ANO3: variants seen among roughly 807,000 people sequenced by gnomAD.
ANO3 encodes the protein anoctamin 3, also known as anoctamin-3.
Under a neutral mutation model 144.8 loss-of-function variants are expected in ANO3, and 99 were observed. That is an observed-to-expected ratio of 0.68 (90% CI 0.58 to 0.81). ANO3 has a LOEUF of 0.81. Ranked by LOEUF, ANO3 falls within the 30% of genes least tolerant of loss-of-function variation. ANO3 has a pLI of 0.00. For missense variants in ANO3, 905 were observed against 1,202.2 expected, an observed-to-expected ratio of 0.75 and a Z score of 3.66; for synonymous variants, 414 against 392.6, an observed-to-expected ratio of 1.05 and a Z score of -0.64.
chr11:26,581,175 GATA>G (rs1282342074), intron 14 of ANO3, among the ~76,000 whole-genome samples: 1 of 152,124 alleles, frequency 6.6e-6, no homozygotes, highest in Non-Finnish European at 1.5e-5. Context: ...GAGTGAGATG[GATA>G]ATGTTTACTT....
At chr11:26,497,022 A>G (rs1860982855) in intron 4 of ANO3, among the ~76,000 whole-genome samples, 1 of 37,214 alleles carries the variant, frequency 2.7e-5, no homozygotes. Flanking sequence ...ACACATATAT[A>G]CAGACACACA....
At position 26,516,874 on chromosome 11, in the gene ANO3, A is replaced by T. The variant is rs772209022; in HGVS notation, c.639A>T (p.Pro213=). 6.2e-7 allele frequency: 1 copy of T among 1,611,974 alleles called. No homozygotes were observed. The highest frequency in any genetic ancestry group is 2.2e-5 in the East Asian group (1 of 44,832). Residue 213 remains proline (P), a synonymous_variant, in exon 6 of 27, where the codon CCA becomes CCT. Transcript: ENST00000256737. ...TCATGTTTATTAAAATTCACATTCC[A>T]TGGGACACGCTGTGCAAGTATGCAG... is the stretch of plus-strand genomic sequence containing the variant. ...PDIMFIKIHI[P]WDTLCKYAER...
At chr11:26,584,889 A>AT (rs1851234091) in intron 14 of ANO3, among the ~76,000 whole-genome samples, 1 of 152,186 alleles carries the variant, frequency 6.6e-6, no homozygotes, top group Non-Finnish European at 1.5e-5. Context: ...CATCTTTGAA[A>AT]TTTTTTTAAG....
chr11:26,558,310 G>A (rs1404114426), intron 13 of ANO3, among the ~76,000 whole-genome samples: 1 of 152,108 alleles, frequency 6.6e-6, no homozygotes, highest in Non-Finnish European at 1.5e-5. Context: ...AAATCCCCAT[G>A]TGTAAAGTCT....
Position 26,443,793 on chromosome 11 carries a change from T to C in ANO3, c.270T>C (p.Ser90=). The change falls in exon 3 of 27, where the codon TCT becomes TCC. Residue 90 remains serine, a synonymous_variant. Transcript: ENST00000256737. ...QVNTEENKND[S]VLRCSFADLS... The stretch of plus-strand genomic sequence containing the variant: ...ATACTGAGGAGAATAAAAACGACTC[T>C]GTGCTGAGATGTTCATTTGCTGACC... 1 of 1,609,788 alleles carries C rather than the reference T, an allele frequency of 6.2e-7. No individual in the cohort carries two copies. The highest frequency in any genetic ancestry group is 8.5e-7 in the Non-Finnish European group (1 of 1,178,252).
intron 6 of ANO3, among the ~76,000 whole-genome samples, chr11:26,519,510 T>C (rs2134157200): frequency 6.6e-6 from 1 of 152,336 alleles, no homozygotes; most frequent in South Asian, 2.1e-4. Flanking sequence ...ACTGGATGTC[T>C]TAAGCAACAA....
In ANO3 at chr11:26,294,796, T is replaced by C. The variant is rs148672391; in HGVS notation, c.155-14849T>C. Reference sequence around the variant, plus strand: ...CCTTTCTTTTTCTTTGGCATATCTTTAACAGACATCAACATATCTGCGGCA... The same window carrying C: ...CCTTTCTTTTTCTTTGGCATATCTTCAACAGACATCAACATATCTGCGGCA... On this transcript the variant is annotated intron_variant, in intron 1 of 27. Transcript: ENST00000672621. Among the ~76,000 whole-genome samples, 990 of 152,362 alleles carry C rather than the reference T, an allele frequency of 6.5e-3. 6 individuals are homozygous for C. The highest frequency in any genetic ancestry group is 0.01 in the Non-Finnish European group (701 of 68,046).
chr11:26,251,145 G>GT (rs767937889), intron 1 of ANO3, among the ~76,000 whole-genome samples: 1 of 152,172 alleles, frequency 6.6e-6, no homozygotes, highest in Non-Finnish European at 1.5e-5. Flanking sequence ...TTGAAAAATT[G>GT]TAAGTCAAGC....
intron 1 of ANO3, among the ~76,000 whole-genome samples, chr11:26,375,578 C>G (rs1350762487): frequency 6.6e-6 from 1 of 152,166 alleles, no homozygotes; most frequent in African/African-American, 2.4e-5. Flanking sequence ...ATGGGAGATT[C>G]AGCAGAATTT....
upstream of ANO3, among the ~76,000 whole-genome samples, chr11:26,308,321 G>A (rs774386591): frequency 2.6e-5 from 4 of 152,068 alleles, no homozygotes; most frequent in Non-Finnish European, 4.4e-5. Context: ...GGATTAGATC[G>A]TCCTCAAGGT....
intron 1 of ANO3, among the ~76,000 whole-genome samples, chr11:26,380,218 C>A (rs1375535137): frequency 2.0e-5 from 3 of 152,066 alleles, no homozygotes; most frequent in Non-Finnish European, 4.4e-5. Context: ...ATGCCTGGAA[C>A]AAAGTATGTG....
chr11:26,342,985 A>G (rs934087691), intron 1 of ANO3, among the ~76,000 whole-genome samples: 8 of 152,192 alleles, frequency 5.3e-5, no homozygotes, highest in African/African-American at 9.6e-5. Context: ...ATAATTTGCA[A>G]TGAGAATATT....
At chr11:26,415,704 G>A (rs1346494090) in intron 1 of ANO3, among the ~76,000 whole-genome samples, 1 of 152,020 alleles carries the variant, frequency 6.6e-6, no homozygotes, top group East Asian at 1.9e-4. Flanking sequence ...ACCTATCAAG[G>A]AGCAGTGACT....
intron 14 of ANO3, among the ~76,000 whole-genome samples, chr11:26,574,175 C>T (rs1483354898): frequency 1.3e-5 from 2 of 152,188 alleles, no homozygotes; most frequent in African/African-American, 2.4e-5. Flanking sequence ...TTGCTTTACA[C>T]TCATTAATTA....
rs72278856 is a variant in ANO3 at position 26,535,571 on chromosome 11, C to CTTTTTTTTTTTTTTT, written c.976+1024_976+1038dup. On this transcript the variant is annotated intron_variant, in intron 9 of 26. Coordinates refer to ENST00000256737, the MANE Select transcript of ANO3 (RefSeq NM_031418.4). The stretch of plus-strand genomic sequence containing the variant: ...AATACACTATGTTTCAAGACAGCCA[C>CTTTTTTTTTTTTTTT]TTTTTTTTTTTTTTTTTTTTTTTTT... Among the ~76,000 whole-genome samples the CTTTTTTTTTTTTTTT allele has an allele frequency of 1.2e-4, 7 of 58,570 alleles. 2 individuals carry two copies. The highest frequency in any genetic ancestry group is 3.5e-4 in the Admixed American group (1 of 2,874). The allele number at this position is 58,570 out of a possible 152,430, so 38.4% of individuals were successfully genotyped here. A position where few individuals can be genotyped will look rare whatever the true frequency, so the allele number is the denominator to read the frequency against.
Position 26,642,181 on chromosome 11 carries a change from G to C in ANO3, c.2275+152G>C, listed in dbSNP as rs1261326440. ...TGCACCTTCATCTCAAGGAGCTAGA[G>C]ATACTAACTCTTGGCAGATTCACAT... is the stretch of plus-strand genomic sequence containing the variant. On this transcript the variant is annotated intron_variant, in intron 22 of 26. Transcript: ENST00000256737. 2 of 800,218 alleles carry C rather than the reference G, an allele frequency of 2.5e-6. 1 individual carries two copies. The highest frequency in any genetic ancestry group is 4.0e-5 in the South Asian group (2 of 50,296). The allele number at this position is 800,218 out of a possible 1,614,324, so 49.6% of individuals were successfully genotyped here.
At chr11:26,304,572 G>A (rs899751578) in intron 1 of ANO3, among the ~76,000 whole-genome samples, 21 of 152,004 alleles carry the variant, frequency 1.4e-4, no homozygotes, top group Admixed American at 1.4e-3. Context: ...TACAATAGGG[G>A]AGATTGCAAA....
At chr11:26,630,887 G>T (rs1040814069) in intron 18 of ANO3, among the ~76,000 whole-genome samples, 1 of 151,818 alleles carries the variant, frequency 6.6e-6, no homozygotes, top group Non-Finnish European at 1.5e-5. Flanking sequence ...CATACAAAAG[G>T]CAAATTTGTT....
chr11:26,656,520 TG>T, intron 26 of ANO3, 39 bp downstream of exon 26: 5 of 1,298,526 alleles, frequency 3.9e-6, no homozygotes, highest in Non-Finnish European at 5.6e-6. Context: ...TATAGATAAA[TG>T]CTTTTCTAAA....
Sources: gnomAD v4.1 joint callset for allele counts (sites outside exome capture counted in the v4.1 genomes callset) on GRCh38, gnomAD v4.1.1 for gene constraint, MANE v1.5 for transcripts, NCBI Gene and HGNC (gene_info 2026-07-23, HGNC 2026-07-21) for gene names.